FNIP1: variants seen among roughly 807,000 people sequenced by gnomAD.
FNIP1 encodes the protein folliculin-interacting protein 1.
FNIP1 carries 40 observed loss-of-function variants against 124.5 expected under a neutral mutation model. That is an observed-to-expected ratio of 0.32 (90% confidence interval 0.25 to 0.42). The LOEUF (loss-of-function observed/expected upper bound fraction) is 0.42. Among genes scored for constraint, FNIP1 ranks in the 10% least tolerant of loss-of-function variants. The pLI is 1.00. For synonymous variants in FNIP1, 472 were observed against 470.6 expected (o/e 1.00, Z -0.04); for missense variants, 1,176 against 1,403.7 (o/e 0.84, Z 2.59).
At chr5:131,791,418 G>C (rs749699209) in intron 1 of FNIP1, among the ~76,000 whole-genome samples, 4 of 152,152 alleles carry the variant, frequency 2.6e-5, no homozygotes, top group African/African-American at 7.2e-5. Context: ...TGATGAATAG[G>C]AAGTACACAA....
intron 11 of FNIP1, among the ~76,000 whole-genome samples, chr5:131,683,919 T>C (rs1241178475): frequency 1.3e-5 from 2 of 152,224 alleles, no homozygotes; most frequent in East Asian, 1.9e-4. Flanking sequence ...AACCTTGATG[T>C]GCCTCTCTGT....
chr5:131,714,526 T>C (rs1769403415), intron 6 of FNIP1, among the ~76,000 whole-genome samples: 2 of 152,176 alleles, frequency 1.3e-5, no homozygotes. Flanking sequence ...TACAGTGTGT[T>C]TTGTGATCTA....
At chr5:131,763,288 TACACACACACACACACACACACAC>T (rs34544569) in intron 1 of FNIP1, among the ~76,000 whole-genome samples, 1 of 148,360 alleles carries the variant, frequency 6.7e-6, no homozygotes, top group Non-Finnish European at 1.5e-5. Flanking sequence ...CAAATGCAAA[TACACACACACACACACACACACAC>T]ACACACACAC....
intron 1 of FNIP1, among the ~76,000 whole-genome samples, chr5:131,777,219 A>C (rs946293645): frequency 6.6e-6 from 1 of 152,224 alleles, no homozygotes; most frequent in Non-Finnish European, 1.5e-5. Flanking sequence ...ATATTTTAAA[A>C]ATTAAAACAA....
intron 6 of FNIP1, among the ~76,000 whole-genome samples, chr5:131,715,715 C>T (rs1447580162): frequency 6.6e-6 from 1 of 151,772 alleles, no homozygotes; most frequent in Non-Finnish European, 1.5e-5. Context: ...TATGACTAGC[C>T]CACAGTAATA....
Position 131,651,738 on chromosome 5 carries a change from A to G in FNIP1, c.3306+64T>C, listed in dbSNP as rs1010019200. Reference sequence around the variant, plus strand: ...CAGTCCCTAACAGCTTTTTTTCAGAAAAAACAATGATGAAAGCTTTAAGCA... The same window carrying G: ...CAGTCCCTAACAGCTTTTTTTCAGAGAAAACAATGATGAAAGCTTTAAGCA... On this transcript the variant is annotated intron_variant, in intron 16 of 17. Transcript: ENST00000510461. The G allele has an allele frequency of 4.7e-6, 7 of 1,503,830 alleles. No individual in the cohort carries two copies. The African/African-American group carries it at 8.4e-5, about 18-fold the overall frequency. 93.2% of individuals were successfully genotyped at this position (1,503,830 alleles called of 1,614,324 possible).
At chr5:131,741,891 A>G (rs186678843) in intron 2 of FNIP1, among the ~76,000 whole-genome samples, 5 of 152,310 alleles carry the variant, frequency 3.3e-5, no homozygotes, top group Non-Finnish European at 5.9e-5. Flanking sequence ...TTTTCAAATG[A>G]TATTTTTCAA....
At chr5:131,734,796 AAGTC>A (rs1411256504) in intron 2 of FNIP1, among the ~76,000 whole-genome samples, 13 of 152,220 alleles carry the variant, frequency 8.5e-5, no homozygotes, top group Non-Finnish European at 1.6e-4. Context: ...GATCATTAAA[AAGTC>A]AGGAAACAAC....
intron 16 of FNIP1, among the ~76,000 whole-genome samples, chr5:131,648,818 C>G (rs1166086288): frequency 6.6e-6 from 1 of 152,204 alleles, no homozygotes; most frequent in Non-Finnish European, 1.5e-5. Context: ...TTATTCTCTT[C>G]TTACCCGCAG....
At chr5:131,662,733 ATTTTTTTTT>A (rs34051607) in intron 15 of FNIP1, among the ~76,000 whole-genome samples, 1,851 of 77,106 alleles carry the variant, frequency 0.024, 29 homozygotes, top group Non-Finnish European at 0.033. Context: ...GATATTCTAG[ATTTTTTTTT>A]TTTTTTTTTT....
intron 1 of FNIP1, among the ~76,000 whole-genome samples, chr5:131,793,539 C>T (rs1403071447): frequency 4.6e-5 from 7 of 152,164 alleles, no homozygotes; most frequent in African/African-American, 1.7e-4. Context: ...TCAAACTCAT[C>T]TCCAGCTCAA....
At chr5:131,760,209 A>G (rs1771181312) in intron 1 of FNIP1, among the ~76,000 whole-genome samples, 1 of 152,182 alleles carries the variant, frequency 6.6e-6, no homozygotes. Context: ...ACAAACCTAC[A>G]TATGTACACC....
chr5:131,678,563 A>G (rs1319360410), intron 12 of FNIP1, among the ~76,000 whole-genome samples: 4 of 152,004 alleles, frequency 2.6e-5, no homozygotes, highest in Non-Finnish European at 5.9e-5. Flanking sequence ...ACCCGCCACC[A>G]TGCCCGGCTA....
intron 5 of FNIP1, among the ~76,000 whole-genome samples, chr5:131,717,533 T>C (rs540581331): frequency 6.6e-6 from 1 of 152,268 alleles, no homozygotes; most frequent in East Asian, 1.9e-4. Context: ...TCTAATTATC[T>C]GTTAGGGAGA....
At chr5:131,745,346 C>T (rs1770641735) in intron 1 of FNIP1, among the ~76,000 whole-genome samples, 1 of 151,992 alleles carries the variant, frequency 6.6e-6, no homozygotes, top group African/African-American at 2.4e-5. Flanking sequence ...TAGTGAGACC[C>T]TGTCTCTACA....
chr5:131,735,101 C>T (rs1472228559), intron 2 of FNIP1, among the ~76,000 whole-genome samples: 2 of 152,126 alleles, frequency 1.3e-5, no homozygotes, highest in Non-Finnish European at 2.9e-5. Flanking sequence ...AAATGTGGCA[C>T]ATATACACCA....
intron 1 of FNIP1, among the ~76,000 whole-genome samples, chr5:131,766,700 C>G (rs1377743056): frequency 2.0e-5 from 3 of 152,184 alleles, no homozygotes; most frequent in Non-Finnish European, 4.4e-5. Flanking sequence ...CCAAATACCT[C>G]AGAACCAAGG....
intron 11 of FNIP1, among the ~76,000 whole-genome samples, chr5:131,685,644 G>A (rs1456611199): frequency 6.6e-6 from 1 of 151,618 alleles, no homozygotes; most frequent in African/African-American, 2.4e-5. Flanking sequence ...TAGTAGAGAC[G>A]GGTTTCACCA....
At chr5:131,788,141 G>A in intron 1 of FNIP1, among the ~76,000 whole-genome samples, 1 of 152,076 alleles carries the variant, frequency 6.6e-6, no homozygotes, top group East Asian at 1.9e-4. Flanking sequence ...GAATCAACAG[G>A]ACTTAACAAA....
Sources: allele counts gnomAD v4.1 joint callset (sites outside exome capture counted in the v4.1 genomes callset), GRCh38; gene constraint gnomAD v4.1.1; transcripts MANE v1.5; gene names NCBI Gene and HGNC (gene_info 2026-07-23, HGNC 2026-07-21).